Variants in SYBU observed in about 807,000 individuals in gnomAD.
SYBU encodes the protein syntabulin.
Under a neutral mutation model 35.9 loss-of-function variants are expected in SYBU, and 21 were observed. That is an observed-to-expected ratio of 0.58 (90% CI 0.41 to 0.84). The LOEUF (loss-of-function observed/expected upper bound fraction) is 0.84, where lower values mean the gene tolerates loss of function less well. SYBU is among the 40% of genes least tolerant of loss of function. The probability of loss-of-function intolerance (pLI) is 0.00; values close to 1 mark genes in which losing one functional copy is unlikely to be tolerated. For missense variants in SYBU, 768 were observed against 848.2 expected (o/e 0.91, Z 1.17); for synonymous variants, 319 against 324.3 (o/e 0.98, Z 0.18).
Position 109,580,288 on chromosome 8 carries a change from A to G in SYBU, c.531-286T>C, listed in dbSNP as rs1270178009. The G allele has an allele frequency of 3.5e-5, 11 of 318,832 alleles. No individual in the cohort carries two copies. The East Asian group carries it at 4.0e-4, about 12-fold the overall frequency. 19.8% of individuals were successfully genotyped at this position (318,832 alleles called of 1,614,324 possible). ...CAATAGCCTGCTAAGAACATACACA[A>G]TGTAGAATATTGATTTAGCTCAGGT... is the stretch of plus-strand genomic sequence containing the variant. On this transcript the variant is annotated intron_variant, in intron 4 of 6. Transcript: ENST00000276646.
intron 1 of SYBU, among the ~76,000 whole-genome samples, chr8:109,680,519 C>G (rs6469278): frequency 1.8e-5 from 1 of 55,586 alleles, no homozygotes; most frequent in African/African-American, 1.5e-4. Flanking sequence ...TTAAATGCTC[C>G]CTTGAAAACT....
intron 1 of SYBU, among the ~76,000 whole-genome samples, chr8:109,666,270 T>C (rs1332379466): frequency 1.3e-5 from 2 of 152,172 alleles, no homozygotes; most frequent in Non-Finnish European, 1.5e-5. Context: ...CTCGACACTA[T>C]TAACTTATTG....
intron 4 of SYBU, among the ~76,000 whole-genome samples, chr8:109,583,092 C>CCAGCAG (rs1437369255): frequency 6.6e-6 from 1 of 152,118 alleles, no homozygotes; most frequent in East Asian, 1.9e-4. Flanking sequence ...ATAACCACCA[C>CCAGCAG]CAGCAGCAGC....
At chr8:109,643,983 G>A in intron 1 of SYBU, 1 of 389,256 alleles carries the variant, frequency 2.6e-6, no homozygotes, top group South Asian at 1.9e-5. Context: ...GCCACTGAAA[G>A]GGACTCTTTG....
intron 2 of SYBU, among the ~76,000 whole-genome samples, chr8:109,622,814 A>T (rs1477612083): frequency 6.6e-6 from 1 of 151,954 alleles, no homozygotes; most frequent in African/African-American, 2.4e-5. Context: ...AATATGAGAA[A>T]ACTGTTTCTG....
intron 1 of SYBU, among the ~76,000 whole-genome samples, chr8:109,676,965 C>T (rs533489721): frequency 6.8e-4 from 103 of 152,064 alleles, no homozygotes; most frequent in Non-Finnish European, 1.2e-3. Flanking sequence ...AAAAATCTCT[C>T]ACTCGCTCTT....
upstream of SYBU, chr8:109,644,995 C>G (rs1055104531): frequency 8.1e-5 from 40 of 496,476 alleles, no homozygotes; most frequent in East Asian, 4.0e-4. Flanking sequence ...TCCGCGCCCC[C>G]CCAGCCAGAG....
chr8:109,686,803 G>A (rs1817528880), intron 1 of SYBU, among the ~76,000 whole-genome samples: 1 of 152,126 alleles, frequency 6.6e-6, no homozygotes, highest in Admixed American at 6.5e-5. Context: ...ACTCTTCTGA[G>A]ATTAAATTCA....
intron 3 of SYBU, 194 bp from the exon 4 acceptor site, chr8:109,586,356 A>C: frequency 3.5e-6 from 2 of 571,090 alleles, no homozygotes; most frequent in Non-Finnish European, 3.1e-6. Flanking sequence ...ACATCATTTC[A>C]TAAACACAGC....
exon 1 of SYBU, chr8:109,680,999 T>C (rs1817382544): frequency 6.6e-6 from 1 of 152,238 alleles, no homozygotes; most frequent in African/African-American, 2.4e-5. Flanking sequence ...TTAAATATCC[T>C]GATGGGAAGA....
rs138192948 is a variant in SYBU, at chr8:109,632,779, T to C, written c.229+9949A>G. On this transcript the variant is annotated intron_variant, in intron 2 of 6. Coordinates refer to ENST00000276646, the MANE Select transcript of SYBU (RefSeq NM_001099754.2). ...CAAAATGTCCATCCACAGAAGAATG[T>C]TTGAATAAATTATGGTCCTCTGTAG... Among the ~76,000 whole-genome samples the C allele has an allele frequency of 3.7e-4, 57 of 152,294 alleles. No homozygotes were observed. In the East Asian group the frequency reaches 0.01, roughly 27 times the overall value.
upstream of SYBU, among the ~76,000 whole-genome samples, chr8:109,682,483 C>G (rs1167276585): frequency 6.6e-6 from 1 of 152,140 alleles, no homozygotes; most frequent in Non-Finnish European, 1.5e-5. Flanking sequence ...GGATTTTCTC[C>G]CTGCCCTAGA....
chr8:109,654,469 T>C (rs1816277058), intron 1 of SYBU, among the ~76,000 whole-genome samples: 1 of 152,226 alleles, frequency 6.6e-6, no homozygotes, highest in South Asian at 2.1e-4. Flanking sequence ...TACTTCTTGG[T>C]ATCCTTTTAG....
intron 1 of SYBU, among the ~76,000 whole-genome samples, chr8:109,652,549 G>A (rs16879862): frequency 0.12 from 18,810 of 152,066 alleles, 3,277 homozygotes; most frequent in African/African-American, 0.39. Flanking sequence ...CACCTAGGAC[G>A]GCATCAAGAC....
At chr8:109,638,860 T>C (rs1177908249) in intron 2 of SYBU, among the ~76,000 whole-genome samples, 4 of 152,176 alleles carry the variant, frequency 2.6e-5, no homozygotes, top group African/African-American at 9.6e-5. Flanking sequence ...TTCAAAGAAA[T>C]TTCGCTAAGA....
intron 5 of SYBU, 77 bp downstream of exon 5, chr8:109,579,721 CT>C (rs879147631): frequency 1.3e-3 from 1,661 of 1,247,336 alleles, no homozygotes; most frequent in Middle Eastern, 1.8e-3. Context: ...AGTTGTATAA[CT>C]TTTTTTTTTC....
At chr8:109,631,997 A>T (rs1002313558) in intron 2 of SYBU, among the ~76,000 whole-genome samples, 5 of 152,108 alleles carry the variant, frequency 3.3e-5, no homozygotes, top group South Asian at 4.1e-4. Flanking sequence ...AACTAAAAAG[A>T]CAAGAAGGGA....
intron 1 of SYBU, among the ~76,000 whole-genome samples, chr8:109,679,054 C>G (rs1023455297): frequency 6.6e-6 from 1 of 152,118 alleles, no homozygotes. Context: ...TGGCCTAAAC[C>G]CACCAAAACC....
chr8:109,685,842 T>A (rs949236897), upstream of SYBU, among the ~76,000 whole-genome samples: 1 of 152,140 alleles, frequency 6.6e-6, no homozygotes, highest in African/African-American at 2.4e-5. Flanking sequence ...AAAGCAATAC[T>A]ATGGGACTAA....
Sources: gnomAD v4.1 joint callset for allele counts (sites outside exome capture counted in the v4.1 genomes callset) on GRCh38, gnomAD v4.1.1 for gene constraint, MANE v1.5 for transcripts, NCBI Gene and HGNC (gene_info 2026-07-23, HGNC 2026-07-21) for gene names.